HDGFL2: variants seen among roughly 807,000 people sequenced by gnomAD.
HDGFL2 encodes HDGF like 2.
In HDGFL2, 36 loss-of-function variants were observed where a neutral mutation model predicts 77.1. The observed-to-expected ratio is 0.47, with a 90% CI of 0.36 to 0.62. The LOEUF is 0.62. HDGFL2 is among the 20% of genes least tolerant of loss of function. The probability of loss-of-function intolerance (pLI) is 0.00; values close to 1 mark genes in which losing one functional copy is unlikely to be tolerated. For missense variants in HDGFL2, 976 were observed against 973.4 expected (o/e 1.00, Z -0.04); for synonymous variants, 463 against 413.1 (o/e 1.12, Z -1.46).
chr19:4,494,087 C>A lies in HDGFL2; in HGVS notation c.914+30C>A, dbSNP rs774238890. 5 of 1,552,996 alleles carry A rather than the reference C, an allele frequency of 3.2e-6. No individual in the cohort carries two copies. In the Admixed American group the frequency reaches 5.9e-5, roughly 18 times the overall value. ...GTGCTGGGGCTGGGGTCCCCTCTGGCGGCTCCTCCATCGGCTGAGGGGCAG... is the reference window on the plus strand; with the variant it reads ...GTGCTGGGGCTGGGGTCCCCTCTGGAGGCTCCTCCATCGGCTGAGGGGCAG... On this transcript the variant is annotated intron_variant, in intron 8 of 15. Coordinates refer to ENST00000616600, the MANE Select transcript of HDGFL2 (RefSeq NM_001001520.3).
chr19:4,476,189 C>CTT (rs34154932), intron 3 of HDGFL2, among the ~76,000 whole-genome samples: 70 of 83,950 alleles, frequency 8.3e-4, no homozygotes, highest in South Asian at 1.1e-3. Context: ...TGTGCCCAGC[C>CTT]TTTTTTTTTT....
chr19:4,494,018 C>T lies in HDGFL2; in HGVS notation c.875C>T (p.Pro292Leu), dbSNP rs767050932. The change falls in exon 8 of 16, where the codon CCG becomes CTG. Residue 292 changes from proline to leucine, a missense_variant. Physicochemically the swap from Pro to Leu is moderately conservative, Grantham distance 98. Around this residue, in one of 5 missense-constraint regions of HDGFL2, gnomAD observed 567 missense variants for 534.7 expected, o/e 1.06. Coordinates refer to ENST00000616600, the MANE Select transcript of HDGFL2 (RefSeq NM_001001520.3). ...KPLPKPRGRK[P>L]KPERPPSSSS... ...CTCCCGAAGCCGCGAGGGCGGAAAC[C>T]GAAGCCTGAACGGCCTCCGTCCAGC... is the stretch of plus-strand genomic sequence containing the variant. The T allele has an allele frequency of 1.9e-6, 3 of 1,611,784 alleles. No homozygotes were observed. Among genetic ancestry groups the T allele is most frequent in the South Asian group, 2.2e-5 (2 of 90,698 alleles).
chr19:4,486,757 C>A (rs1445486744), intron 3 of HDGFL2, among the ~76,000 whole-genome samples: 1 of 152,070 alleles, frequency 6.6e-6, no homozygotes, highest in Non-Finnish European at 1.5e-5. Context: ...CTTCATCCTC[C>A]TCTTCACCAT....
rs562667409 is a variant in HDGFL2, at chr19:4,498,196, C to T, written c.1403-110C>T. The T allele has an allele frequency of 2.4e-5, 29 of 1,222,114 alleles. No homozygotes were observed. The South Asian group carries it at 3.0e-4, about 13-fold the overall frequency. 75.7% of individuals were successfully genotyped at this position (1,222,114 alleles called of 1,614,324 possible). On this transcript the variant is annotated intron_variant, in intron 11 of 15. Coordinates refer to ENST00000616600, the MANE Select transcript of HDGFL2 (RefSeq NM_001001520.3). ...CAGGGGTGGGGGCTGAGCCTGCAGA[C>T]CTGGGGCCCCCATGACAAATCCTCC... is the stretch of plus-strand genomic sequence containing the variant.
intron 1 of HDGFL2, among the ~76,000 whole-genome samples, chr19:4,474,157 T>G (rs79750238): frequency 0.097 from 14,790 of 151,878 alleles, 911 homozygotes; most frequent in South Asian, 0.22. Flanking sequence ...TGGTGGAATT[T>G]GCCGGGCAGG....
At chr19:4,476,558 CG>C (rs1204046171) in intron 3 of HDGFL2, among the ~76,000 whole-genome samples, 13 of 151,384 alleles carry the variant, frequency 8.6e-5, no homozygotes, top group African/African-American at 2.9e-4. Context: ...TAGGAAAAGA[CG>C]TTTTTTTCTT....
At chr19:4,498,790 C>A in intron 12 of HDGFL2, 24 bp from the exon 13 acceptor site, 3 of 1,555,596 alleles carry the variant, frequency 1.9e-6, no homozygotes, top group South Asian at 2.3e-5. Flanking sequence ...AGGCCGTCTC[C>A]CTCACTCCCA....
intron 3 of HDGFL2, among the ~76,000 whole-genome samples, chr19:4,479,258 G>T (rs1975150736): frequency 6.6e-6 from 1 of 151,734 alleles, no homozygotes; most frequent in South Asian, 2.1e-4. Flanking sequence ...AGATCAGACT[G>T]GCCAACAGAA....
intron 10 of HDGFL2, 55 bp downstream of exon 10, chr19:4,496,460 C>A (rs1274943202): frequency 4.5e-6 from 6 of 1,330,502 alleles, no homozygotes; most frequent in Admixed American, 3.8e-5. Context: ...CGCATCACCC[C>A]ACAACCCTCA....
chr19:4,483,353 G>A (rs563434264), intron 3 of HDGFL2, among the ~76,000 whole-genome samples: 4 of 152,116 alleles, frequency 2.6e-5, no homozygotes, highest in Non-Finnish European at 5.9e-5. Context: ...CTCTCCTCCC[G>A]GCGCGGGAGG....
chr19:4,501,505 CAG>C (rs1681650610), intron 15 of HDGFL2, 188 bp downstream of exon 15: 1 of 614,346 alleles, frequency 1.6e-6, no homozygotes, highest in Non-Finnish European at 2.6e-6. Flanking sequence ...GCGGCCCCTA[CAG>C]AGAGGCAGCT....
intron 3 of HDGFL2, among the ~76,000 whole-genome samples, chr19:4,487,443 G>C (rs1292597758): frequency 1.3e-5 from 2 of 152,108 alleles, no homozygotes; most frequent in African/African-American, 4.8e-5. Flanking sequence ...CTTTTGTAGA[G>C]AGGGGGTTTC....
chr19:4,487,251 C>G (rs972324770), intron 3 of HDGFL2, among the ~76,000 whole-genome samples: 1 of 152,100 alleles, frequency 6.6e-6, no homozygotes, highest in Non-Finnish European at 1.5e-5. Flanking sequence ...CAGGCGTGAG[C>G]CACCGCACCC....
chr19:4,498,084 G>A, intron 11 of HDGFL2, 53 bp downstream of exon 11: 1 of 1,481,152 alleles, frequency 6.8e-7, no homozygotes. Context: ...AGGGGAACGG[G>A]GACAGCCGTG....
intron 13 of HDGFL2, 144 bp from the exon 14 acceptor site, chr19:4,499,347 A>G (rs1296669723): frequency 6.8e-6 from 4 of 585,600 alleles, no homozygotes; most frequent in South Asian, 2.7e-5. Context: ...CTCTGTCTCA[A>G]AAAAAAAAAA....
Position 4,502,189 on chromosome 19 carries a change from T to C in HDGFL2, c.*179T>C, listed in dbSNP as rs8887. Reference sequence around the variant, plus strand: ...CCAACCAACATGAAATGACTATAAATGGTTTTTTAATGAAAAAAGAAATCA... The same window carrying C: ...CCAACCAACATGAAATGACTATAAACGGTTTTTTAATGAAAAAAGAAATCA... On this transcript the variant is annotated 3_prime_UTR_variant, in exon 16 of 16. Transcript: ENST00000616600. 351,003 of 678,242 alleles carry C rather than the reference T, an allele frequency of 0.52. 93,181 individuals carry two copies. The highest frequency in any genetic ancestry group is 0.57 in the Admixed American group (23,790 of 41,766). The allele number at this position is 678,242 out of a possible 1,614,324, so 42.0% of individuals were successfully genotyped here. A position where few individuals can be genotyped will look rare whatever the true frequency, so the allele number is the denominator to read the frequency against.
Position 4,502,133 on chromosome 19 carries a change from G to GT in HDGFL2, c.*132dup, listed in dbSNP as rs150552037. 1.5e-3 allele frequency: 1,098 copies of GT among 747,476 alleles called. 1 individual carries two copies. Among genetic ancestry groups the GT allele is most frequent in the East Asian group, 8.8e-3 (318 of 36,148 alleles). The allele number at this position is 747,476 out of a possible 1,614,324, so 46.3% of individuals were successfully genotyped here. Reference sequence around the variant, plus strand: ...GTGCTGTTTGTATTTGTTCCCTTGGGTTTTTTTTTCCTGCCTAATTTCTGT... The same window carrying GT: ...GTGCTGTTTGTATTTGTTCCCTTGGGTTTTTTTTTTCCTGCCTAATTTCTGT... On this transcript the variant is annotated 3_prime_UTR_variant, in exon 16 of 16. Transcript: ENST00000616600.
At chr19:4,477,621 G>A (rs1282982562) in intron 3 of HDGFL2, among the ~76,000 whole-genome samples, 3 of 152,044 alleles carry the variant, frequency 2.0e-5, no homozygotes, top group African/African-American at 7.2e-5. Context: ...AATATTTATT[G>A]GACACCTACA....
intron 3 of HDGFL2, among the ~76,000 whole-genome samples, chr19:4,481,968 G>T (rs1975229295): frequency 6.8e-6 from 1 of 147,668 alleles, no homozygotes; most frequent in Admixed American, 6.8e-5. Context: ...GACAGCTACA[G>T]AAATGAGCTG....
Sources: allele counts gnomAD v4.1 joint callset (sites outside exome capture counted in the v4.1 genomes callset), GRCh38; gene constraint gnomAD v4.1.1; regional missense constraint gnomAD v4.1.1; transcripts MANE v1.5; gene names NCBI Gene and HGNC (gene_info 2026-07-23, HGNC 2026-07-21).